The following CHD7 variants were observed in gnomAD, a reference collection of about 807,000 sequenced individuals.
CHD7 encodes the protein chromodomain helicase DNA binding protein 7, also known as ATP-dependent chromatin remodeler CHD7.
A neutral mutation model predicts 307.3 loss-of-function variants in CHD7; 24 were observed. That is an observed-to-expected ratio of 0.08 (90% CI 0.06 to 0.11). The LOEUF is 0.11. CHD7 is among the 10% of genes least tolerant of loss of function. The pLI, the probability that CHD7 is intolerant of heterozygous loss-of-function variation, is 1.00. For missense variants in CHD7, 3,106 were observed against 3,727.1 expected (o/e 0.83, Z 4.34); for synonymous variants, 1,363 against 1,349.9 (o/e 1.01, Z -0.21).
intron 2 of CHD7, among the ~76,000 whole-genome samples, chr8:60,759,525 C>G (rs1252267682): frequency 6.6e-6 from 1 of 151,094 alleles, no homozygotes; most frequent in Non-Finnish European, 1.5e-5. Context: ...CTCCCTCTTT[C>G]TCTCAGTCTC....
Position 60,836,114 on chromosome 8 carries a change from A to C in CHD7, c.3820A>C (p.Asn1274His), listed in dbSNP as rs1331474623. ...KILEEFKETH[N>H]AESPDFQLQA... is the part of the protein sequence containing the mutation. ...TTTGGAAGAGTTTAAAGAAACACAC[A>C]ATGCAGAGTCTCCAGATTTTCAGCT... Residue 1274 changes from asparagine to histidine, a missense_variant, in exon 16 of 38, where the codon AAT becomes CAT. Asn to His is a moderately conservative substitution (Grantham distance 68). Transcript: ENST00000423902. 6.2e-7 allele frequency: 1 copy of C among 1,613,256 alleles called. No homozygotes were observed. Among genetic ancestry groups the C allele is most frequent in the East Asian group, 2.2e-5 (1 of 44,878 alleles).
At chr8:60,685,018 TC>T (rs1805810658) in intron 1 of CHD7, among the ~76,000 whole-genome samples, 1 of 152,176 alleles carries the variant, frequency 6.6e-6, no homozygotes. Context: ...GAGGGAGATC[TC>T]AGGGCATATA....
At chr8:60,728,779 A>G (rs1808296679) in intron 1 of CHD7, among the ~76,000 whole-genome samples, 1 of 152,242 alleles carries the variant, frequency 6.6e-6, no homozygotes, top group Non-Finnish European at 1.5e-5. Flanking sequence ...ATATGAAGAA[A>G]TGAAAAAGAA....
intron 3 of CHD7, among the ~76,000 whole-genome samples, chr8:60,792,205 T>G (rs1453323849): frequency 6.6e-6 from 1 of 152,238 alleles, no homozygotes; most frequent in African/African-American, 2.4e-5. Flanking sequence ...ATATCCACCA[T>G]TCTAGATTAC....
chr8:60,816,264 C>A, intron 7 of CHD7, 123 bp from the exon 8 acceptor site: 1 of 614,756 alleles, frequency 1.6e-6, no homozygotes, highest in Non-Finnish European at 2.9e-6. Context: ...TGTTGCTCAG[C>A]AGCCTTAATG....
chr8:60,842,087 T>G lies in CHD7; in HGVS notation c.4850+35T>G. ...ACTCACTACGTAAGATAGAATTTTA[T>G]TGTAACAGTAGTTAGAATTCCCAAC... On this transcript the variant is annotated intron_variant, in intron 21 of 37. Coordinates refer to ENST00000423902, the MANE Select transcript of CHD7 (RefSeq NM_017780.4). 3 of 1,536,888 alleles carry G rather than the reference T, an allele frequency of 2.0e-6. No individual in the cohort carries two copies. The South Asian group carries it at 3.6e-5, about 18-fold the overall frequency.
At chr8:60,843,751 C>T (rs1177622060) in intron 21 of CHD7, among the ~76,000 whole-genome samples, 2 of 152,230 alleles carry the variant, frequency 1.3e-5, no homozygotes, top group Admixed American at 6.5e-5. Flanking sequence ...GTGGCATGTA[C>T]AGCTTGTGAC....
intron 5 of CHD7, among the ~76,000 whole-genome samples, chr8:60,801,155 C>T (rs993355326): frequency 9.2e-5 from 14 of 151,904 alleles, no homozygotes; most frequent in Admixed American, 3.3e-4. Context: ...ATAAAAGATG[C>T]CTACTATAGC....
At chr8:60,697,804 T>C (rs1280511007) in intron 1 of CHD7, among the ~76,000 whole-genome samples, 2 of 152,238 alleles carry the variant, frequency 1.3e-5, no homozygotes, top group Non-Finnish European at 2.9e-5. Flanking sequence ...AGCAAAAATA[T>C]GTCCCAGCTA....
chr8:60,845,047 C>G lies in CHD7; in HGVS notation c.5034C>G (p.Ala1678=). The change falls in exon 22 of 38, where the codon GCC becomes GCG. Residue 1678 remains alanine (A), a synonymous_variant. Coordinates refer to ENST00000423902, the MANE Select transcript of CHD7 (RefSeq NM_017780.4). ...ITPTADGQTR[A]LVNHSGLSAP... The stretch of plus-strand genomic sequence containing the variant: ...CCACAGCGGATGGCCAGACTCGAGC[C>G]TTGGTCAACCATTCCGGTAGGTCTC... 1 of 1,613,948 alleles carries G rather than the reference C, an allele frequency of 6.2e-7. No homozygotes were observed. Among genetic ancestry groups the G allele is most frequent in the South Asian group, 1.1e-5 (1 of 91,080 alleles).
At chr8:60,837,859 A>G (rs375788763) in intron 18 of CHD7, 24 bp downstream of exon 18, 178 of 1,585,628 alleles carry the variant, frequency 1.1e-4, no homozygotes, top group Non-Finnish European at 1.4e-4. Context: ...TGCCCAAACC[A>G]TTTATTTATT....
intron 15 of CHD7, 147 bp downstream of exon 15, chr8:60,830,724 G>C (rs1250618510): frequency 2.4e-6 from 2 of 839,744 alleles, no homozygotes; most frequent in Non-Finnish European, 3.6e-6. Context: ...CCCACTTTCT[G>C]TGATGCCTCC....
intron 29 of CHD7, 89 bp downstream of exon 29, chr8:60,852,336 A>G (rs1805492152): frequency 7.4e-7 from 1 of 1,355,326 alleles, no homozygotes; most frequent in African/African-American, 1.5e-5. Context: ...ACTCATATCA[A>G]AGGTAGTGAC....
At chr8:60,795,298 G>C (rs1232565209) in intron 4 of CHD7, among the ~76,000 whole-genome samples, 171 bp downstream of exon 4, 1 of 152,038 alleles carries the variant, frequency 6.6e-6, no homozygotes, top group Non-Finnish European at 1.5e-5. Context: ...GAGCGGGCGT[G>C]GAACAAGAAA....
intron 1 of CHD7, among the ~76,000 whole-genome samples, chr8:60,680,531 C>T (rs1336695159): frequency 6.6e-6 from 1 of 152,058 alleles, no homozygotes; most frequent in Non-Finnish European, 1.5e-5. Context: ...CCGGATGGCT[C>T]TGCCTCGAGG....
intron 1 of CHD7, among the ~76,000 whole-genome samples, chr8:60,698,912 G>C (rs941153515): frequency 1.3e-5 from 2 of 152,100 alleles, no homozygotes; most frequent in Non-Finnish European, 2.9e-5. Flanking sequence ...TCAGCCTCCA[G>C]AGTAGCTGGG....
intron 3 of CHD7, among the ~76,000 whole-genome samples, chr8:60,789,946 C>T (rs942217588): frequency 1.3e-5 from 2 of 152,192 alleles, no homozygotes; most frequent in African/African-American, 4.8e-5. Flanking sequence ...TTGGTGTATG[C>T]CTTGGTGCCA....
At chr8:60,753,698 C>T (rs1809751271) in intron 2 of CHD7, among the ~76,000 whole-genome samples, 1 of 151,488 alleles carries the variant, frequency 6.6e-6, no homozygotes, top group Non-Finnish European at 1.5e-5. Flanking sequence ...GATCTTGGCT[C>T]ACTGCAGACT....
intron 1 of CHD7, among the ~76,000 whole-genome samples, chr8:60,707,674 G>C (rs949359344): frequency 3.9e-5 from 6 of 152,102 alleles, no homozygotes; most frequent in South Asian, 2.1e-4. Flanking sequence ...CACATCCTAT[G>C]TACATTTAAG....
Sources: allele counts gnomAD v4.1 joint callset (sites outside exome capture counted in the v4.1 genomes callset), GRCh38; gene constraint gnomAD v4.1.1; transcripts MANE v1.5; gene names NCBI Gene and HGNC (gene_info 2026-07-23, HGNC 2026-07-21).